The following PLA2G6 variants were observed in gnomAD, a reference collection of about 807,000 sequenced individuals.
The protein encoded by PLA2G6 is phospholipase A2 group VI.
Under a neutral mutation model 83.8 loss-of-function variants are expected in PLA2G6, and 62 were observed. The ratio of observed to expected loss-of-function variants is 0.74; its 90% CI spans 0.60 to 0.91. PLA2G6 has a LOEUF of 0.91. Ranked by LOEUF, PLA2G6 falls within the 40% of genes least tolerant of loss-of-function variation. The probability of loss-of-function intolerance (pLI) is 0.00; values close to 1 mark genes in which losing one functional copy is unlikely to be tolerated. For missense variants in PLA2G6, 944 were observed against 1,102.0 expected, an observed-to-expected ratio of 0.86 and a Z score of 2.03; for synonymous variants, 417 against 449.8, an observed-to-expected ratio of 0.93 and a Z score of 0.92.
At position 38,120,751 on chromosome 22, in the gene PLA2G6, G is replaced by A. The variant is rs1194969827; in HGVS notation, c.1742+8C>T. 1.7e-5 allele frequency: 27 copies of A among 1,613,396 alleles called. No homozygotes were observed. The highest frequency in any genetic ancestry group is 8.0e-5 in the African/African-American group (6 of 74,948). ...CTGCGGCCACGGCCCCAGTGCGCCA[G>A]GGCTTACTTGGGTTTCCTGACGTCC... On this transcript the variant is annotated splice_region_variant and intron_variant, in intron 12 of 16. Coordinates refer to ENST00000332509, the MANE Select transcript of PLA2G6 (RefSeq NM_003560.4).
chr22:38,123,265 TG>T lies in PLA2G6; in HGVS notation c.1428-8del. 6.4e-7 allele frequency: 1 copy of T among 1,557,420 alleles called. No individual in the cohort carries two copies. Among genetic ancestry groups the T allele is most frequent in the Non-Finnish European group, 8.7e-7 (1 of 1,150,296 alleles). ...GCACAGCAGGTGGTCGTGGCTGCAGTGGGAACAGCAGTGGGAGAGAGGAGGG... is the reference window on the plus strand; with the variant it reads ...GCACAGCAGGTGGTCGTGGCTGCAGTGGAACAGCAGTGGGAGAGAGGAGGG... On this transcript the variant is annotated splice_polypyrimidine_tract_variant and splice_region_variant and intron_variant, in intron 10 of 16. Transcript: ENST00000332509. This position sits in a 1 kb window ranked among gnomAD's most constrained non-coding sequence, Gnocchi z 4.1.
intron 6 of PLA2G6, 92 bp from the exon 7 acceptor site, chr22:38,133,105 G>A: frequency 8.2e-7 from 1 of 1,215,606 alleles, no homozygotes; most frequent in Non-Finnish European, 1.2e-6. Flanking sequence ...GCTCTGAGAG[G>A]CCTACAGGTA....
chr22:38,111,899 G>T lies in PLA2G6; in HGVS notation c.*262C>A, dbSNP rs1289226136. On this transcript the variant is annotated 3_prime_UTR_variant, in exon 17 of 17. Transcript: ENST00000332509. ...GTTTGAGCTGATGGGGGAGTCAGTT[G>T]TCCTTGACAGTCAGGGAAAGGGGCC... is the stretch of plus-strand genomic sequence containing the variant. 9 of 544,812 alleles carry T rather than the reference G, an allele frequency of 1.7e-5. No homozygotes were observed. The Admixed American group carries it at 2.8e-4, about 17-fold the overall frequency. 33.7% of individuals were successfully genotyped at this position (544,812 alleles called of 1,614,324 possible). A position where few individuals can be genotyped will look rare whatever the true frequency, so the allele number is the denominator to read the frequency against.
chr22:38,161,977 G>A (rs1020726525), intron 2 of PLA2G6, among the ~76,000 whole-genome samples: 24 of 152,102 alleles, frequency 1.6e-4, no homozygotes, highest in African/African-American at 5.8e-4. Flanking sequence ...GGCCAAGGCA[G>A]GCATATCACC....
intron 11 of PLA2G6, among the ~76,000 whole-genome samples, chr22:38,122,411 C>G (rs1235442976): frequency 1.3e-5 from 2 of 152,158 alleles, no homozygotes; most frequent in African/African-American, 2.4e-5. Context: ...CACCTAGAAG[C>G]TCAGACAGCT....
intron 11 of PLA2G6, among the ~76,000 whole-genome samples, chr22:38,122,394 C>T (rs2145718879): frequency 1.3e-5 from 2 of 152,296 alleles, no homozygotes; most frequent in Admixed American, 1.3e-4. Context: ...CCCTCCCCAC[C>T]TGTCAGCACC....
At chr22:38,143,638 G>A (rs1045163921) in intron 3 of PLA2G6, 4 of 403,960 alleles carry the variant, frequency 9.9e-6, no homozygotes, top group East Asian at 5.9e-5. Context: ...TATCCTTATC[G>A]ACACAAGCTG....
At chr22:38,139,733 C>G (rs2088781918) in intron 5 of PLA2G6, 2 of 500,502 alleles carry the variant, frequency 4.0e-6, no homozygotes, top group Admixed American at 3.3e-5. Context: ...CCGCGCCCAG[C>G]CAGAAAAATT....
At chr22:38,126,901 A>T in intron 9 of PLA2G6, 1 of 608,320 alleles carries the variant, frequency 1.6e-6, no homozygotes, top group Non-Finnish European at 2.3e-6. Context: ...AAGGTCATTT[A>T]GTCAAAAGGC....
At chr22:38,146,128 C>T (rs1313610635) in intron 2 of PLA2G6, 5 of 197,196 alleles carry the variant, frequency 2.5e-5, no homozygotes, top group Admixed American at 1.1e-4. Flanking sequence ...CTTCACCTCC[C>T]GGGTTCAAGC....
chr22:38,180,965 G>C (rs2090823711), intron 1 of PLA2G6, among the ~76,000 whole-genome samples: 2 of 152,206 alleles, frequency 1.3e-5, no homozygotes, highest in Non-Finnish European at 2.9e-5. Flanking sequence ...GTAAGAGGCA[G>C]GTGAGGGAAA....
At chr22:38,145,032 C>CCTTTTT in intron 3 of PLA2G6, 1 of 192,566 alleles carries the variant, frequency 5.2e-6, no homozygotes, top group Non-Finnish European at 1.0e-5. Flanking sequence ...AACGCAGCAC[C>CCTTTTT]TTTTTTTTTT....
At chr22:38,151,442 C>T (rs1252646152) in intron 2 of PLA2G6, among the ~76,000 whole-genome samples, 11 of 152,122 alleles carry the variant, frequency 7.2e-5, no homozygotes, top group African/African-American at 2.7e-4. Context: ...GGTTTTGCCA[C>T]GTAGCCCAGG....
At chr22:38,116,277 A>G (rs2087191064) in intron 12 of PLA2G6, 66 bp from the exon 13 acceptor site, 1 of 1,568,970 alleles carries the variant, frequency 6.4e-7, no homozygotes, top group Non-Finnish European at 8.8e-7. Context: ...TTTCCCCACA[A>G]TTCACACCCC....
At chr22:38,133,271 T>C (rs1052045670) in intron 6 of PLA2G6, 19 of 567,622 alleles carry the variant, frequency 3.3e-5, no homozygotes, top group Admixed American at 3.0e-4. Context: ...CCTTTCCTAG[T>C]GCCAACAGAA....
At chr22:38,122,434 C>A (rs1007878000) in intron 11 of PLA2G6, among the ~76,000 whole-genome samples, 1 of 152,078 alleles carries the variant, frequency 6.6e-6, no homozygotes, top group African/African-American at 2.4e-5. Context: ...ACAGAGGAGC[C>A]GTCACAACAC....
intron 9 of PLA2G6, chr22:38,127,587 T>C (rs1350085451): frequency 1.8e-6 from 1 of 547,042 alleles, no homozygotes; most frequent in Non-Finnish European, 3.2e-6. Flanking sequence ...CGGGCTACCC[T>C]GGCTGAAGGT....
chr22:38,169,271 G>C lies in PLA2G6; in HGVS notation c.156C>G (p.Asn52Lys), dbSNP rs1179774874. The C allele has an allele frequency of 6.2e-7, 1 of 1,614,094 alleles. No homozygotes were observed. Among genetic ancestry groups the C allele is most frequent in the Non-Finnish European group, 8.5e-7 (1 of 1,180,046 alleles). Residue 52 changes from asparagine (N) to lysine (K), a missense_variant, in exon 2 of 17, where the codon AAC (asparagine) becomes AAG (lysine). Coordinates refer to ENST00000332509, the MANE Select transcript of PLA2G6 (RefSeq NM_003560.4). ...GQLILFQNTP[N>K]RTWDCVLVNP... ...TGACCAGGACGCAGTCCCAGGTGCG[G>C]TTGGGAGTGTTCTGGAACAGAATCA...
intron 12 of PLA2G6, among the ~76,000 whole-genome samples, chr22:38,117,239 C>T (rs1031107229): frequency 5.3e-5 from 8 of 152,168 alleles, no homozygotes; most frequent in African/African-American, 1.7e-4. Flanking sequence ...CGGAGTCTCA[C>T]TCTGTTGCCC....
Sources: gnomAD v4.1 joint callset for allele counts (sites outside exome capture counted in the v4.1 genomes callset) on GRCh38, gnomAD v4.1.1 for gene constraint, Gnocchi (gnomAD v3.1) non-coding constraint, MANE v1.5 for transcripts, NCBI Gene and HGNC (gene_info 2026-07-23, HGNC 2026-07-21) for gene names.